FBXO22: variants seen among roughly 807,000 people sequenced by gnomAD.
FBXO22 encodes F-box only protein 22.
Under a neutral mutation model 37.2 loss-of-function variants are expected in FBXO22, and 13 were observed. That is an observed-to-expected ratio of 0.35 (90% confidence interval 0.23 to 0.56). The LOEUF (loss-of-function observed/expected upper bound fraction) is 0.56. FBXO22 is among the 20% of genes least tolerant of loss of function. FBXO22 has a pLI of 0.87. For missense variants in FBXO22, 446 were observed against 509.9 expected (o/e 0.87, Z 1.21); for synonymous variants, 189 against 189.1 (o/e 1.00, Z 0.00).
At chr15:75,904,221 C>A in intron 1 of FBXO22, 118 bp downstream of exon 1, 1 of 1,362,682 alleles carries the variant, frequency 7.3e-7, no homozygotes, top group Non-Finnish European at 9.7e-7. Flanking sequence ...CCGGCTCGCT[C>A]GCCCTACCTG....
At chr15:75,923,785 G>T (rs992248615) in intron 5 of FBXO22, among the ~76,000 whole-genome samples, 1 of 152,096 alleles carries the variant, frequency 6.6e-6, no homozygotes, top group African/African-American at 2.4e-5. Flanking sequence ...AAAAGTATAT[G>T]CAGGAGACAC....
chr15:75,931,159 ATACAG>A (rs143192799), intron 6 of FBXO22, among the ~76,000 whole-genome samples: 3,256 of 152,320 alleles, frequency 0.021, 136 homozygotes, highest in African/African-American at 0.075. Flanking sequence ...GTGATTCAAC[ATACAG>A]TTTACCTTTG....
Position 75,940,034 on chromosome 15 carries a change from C to T in FBXO22, c.*6932C>T, listed in dbSNP as rs1049350298. ...CCTGAGCTAGAAAAAGAAAAGACATCTAAGTTGGAAAGTAAGAAGTAAAAT... is the reference window on the plus strand; with the variant it reads ...CCTGAGCTAGAAAAAGAAAAGACATTTAAGTTGGAAAGTAAGAAGTAAAAT... On this transcript the variant is annotated 3_prime_UTR_variant, in exon 7 of 7. Coordinates refer to ENST00000308275, the MANE Select transcript of FBXO22 (RefSeq NM_147188.3). 7.3e-5 allele frequency: 11 copies of T among 151,414 alleles called. No homozygotes were observed. Among genetic ancestry groups the T allele is most frequent in the African/African-American group, 2.7e-4 (11 of 41,168 alleles). The allele number at this position is 151,414 out of a possible 1,614,324, so 9.4% of individuals were successfully genotyped here. A position where few individuals can be genotyped will look rare whatever the true frequency, so the allele number is the denominator to read the frequency against.
chr15:75,930,075 G>T, intron 6 of FBXO22, 26 bp downstream of exon 6: 1 of 1,613,612 alleles, frequency 6.2e-7, no homozygotes, highest in East Asian at 2.2e-5. Context: ...TTCTGATTTC[G>T]TCTGTGAATG....
At chr15:75,904,416 G>A (rs988857126) in intron 1 of FBXO22, 75 bp from the exon 2 acceptor site, 1 of 1,599,164 alleles carries the variant, frequency 6.3e-7, no homozygotes. Flanking sequence ...TGCGCCAGCG[G>A]GTGGGGGTTT....
At chr15:75,930,095 G>T in intron 6 of FBXO22, 46 bp downstream of exon 6, 1 of 1,611,396 alleles carries the variant, frequency 6.2e-7, no homozygotes. Context: ...GAAGGGAAAT[G>T]GTCTCAGGTT....
intron 5 of FBXO22, among the ~76,000 whole-genome samples, chr15:75,929,322 AT>A (rs397776614): frequency 6.6e-5 from 10 of 150,532 alleles, no homozygotes; most frequent in African/African-American, 9.8e-5. Flanking sequence ...AAAAAAAAAA[AT>A]TTTTTTTAAA....
At chr15:75,911,371 C>T (rs1192656958) in intron 2 of FBXO22, among the ~76,000 whole-genome samples, 4 of 152,096 alleles carry the variant, frequency 2.6e-5, no homozygotes, top group East Asian at 1.9e-4. Flanking sequence ...GGCATTTTCA[C>T]GATATCGATT....
intron 2 of FBXO22, among the ~76,000 whole-genome samples, chr15:75,909,401 A>G (rs1335749828): frequency 6.6e-6 from 1 of 152,176 alleles, no homozygotes; most frequent in Non-Finnish European, 1.5e-5. Flanking sequence ...ATAGTAAGCT[A>G]AGGGGCCCTG....
Position 75,940,082 on chromosome 15 carries a change from G to C in FBXO22, c.*6980G>C, listed in dbSNP as rs1354392670. ...AATCCTATATGTTCACAAATGATAT[G>C]ATCTTTAGACAACCCGAAAGATTCC... On this transcript the variant is annotated 3_prime_UTR_variant, in exon 7 of 7. Transcript: ENST00000308275. 2.0e-5 allele frequency: 3 copies of C among 148,402 alleles called. No homozygotes were observed. Among genetic ancestry groups the C allele is most frequent in the Non-Finnish European group, 4.5e-5 (3 of 67,198 alleles). 9.2% of individuals were successfully genotyped at this position (148,402 alleles called of 1,614,324 possible).
Position 75,937,932 on chromosome 15 carries a change from G to T in FBXO22, c.*4830G>T, listed in dbSNP as rs1017167828. 6.6e-6 allele frequency: 1 copy of T among 152,188 alleles called. No homozygotes were observed. Among genetic ancestry groups the T allele is most frequent in the Non-Finnish European group, 1.5e-5 (1 of 68,048 alleles). 9.4% of individuals were successfully genotyped at this position (152,188 alleles called of 1,614,324 possible). ...AATAGAACAACTAAGGCCCAGAGGA[G>T]AATCTGGGGTAAGACTTTGGGAAAT... On this transcript the variant is annotated 3_prime_UTR_variant, in exon 7 of 7. Coordinates refer to ENST00000308275, the MANE Select transcript of FBXO22 (RefSeq NM_147188.3).
At chr15:75,918,957 C>CT (rs1210513276) in intron 5 of FBXO22, among the ~76,000 whole-genome samples, 2 of 151,866 alleles carry the variant, frequency 1.3e-5, no homozygotes, top group East Asian at 1.9e-4. Context: ...ACCATATATT[C>CT]TTTTTTTTGT....
In FBXO22 at chr15:75,933,251, GTAT is replaced by G. The variant is rs2030130374; in HGVS notation, c.*151_*153del. 1 of 666,516 alleles carries G rather than the reference GTAT, an allele frequency of 1.5e-6. No homozygotes were observed. Among genetic ancestry groups the G allele is most frequent in the East Asian group, 2.8e-5 (1 of 35,720 alleles). The allele number at this position is 666,516 out of a possible 1,614,324, so 41.3% of individuals were successfully genotyped here. Reference sequence around the variant, plus strand: ...GATGCTCTAAGATCACATGAGGGTAGTATTTAATATATTAGATGAAGGACAACT... The same window carrying G: ...GATGCTCTAAGATCACATGAGGGTAGTTAATATATTAGATGAAGGACAACT... On this transcript the variant is annotated 3_prime_UTR_variant, in exon 7 of 7. Coordinates refer to ENST00000308275, the MANE Select transcript of FBXO22 (RefSeq NM_147188.3).
intron 2 of FBXO22, among the ~76,000 whole-genome samples, chr15:75,906,497 G>A (rs988093622): frequency 8.6e-5 from 13 of 152,042 alleles, no homozygotes; most frequent in African/African-American, 4.8e-5. Context: ...CGAATCAAAC[G>A]CAGGATGCTT....
Position 75,938,166 on chromosome 15 carries a change from C to G in FBXO22, c.*5064C>G, listed in dbSNP as rs1396700672. On this transcript the variant is annotated 3_prime_UTR_variant, in exon 7 of 7. Transcript: ENST00000308275. The stretch of plus-strand genomic sequence containing the variant: ...TCCTAGCATTCAAGGGAATTTATGT[C>G]AAAATAGCTGAACGTGACATAAAAG... 3 of 152,050 alleles carry G rather than the reference C, an allele frequency of 2.0e-5. No individual in the cohort carries two copies. Among genetic ancestry groups the G allele is most frequent in the African/African-American group, 7.2e-5 (3 of 41,380 alleles). The allele number at this position is 152,050 out of a possible 1,614,324, so 9.4% of individuals were successfully genotyped here. A position where few individuals can be genotyped will look rare whatever the true frequency, so the allele number is the denominator to read the frequency against.
At chr15:75,925,617 G>C (rs1239115794) in intron 5 of FBXO22, among the ~76,000 whole-genome samples, 1 of 147,812 alleles carries the variant, frequency 6.8e-6, no homozygotes, top group Non-Finnish European at 1.5e-5. Context: ...GATTGAACTT[G>C]TTCTGCCTTC....
Position 75,917,365 on chromosome 15 carries a change from C to T in FBXO22, c.599C>T (p.Thr200Ile). ...TTTATTAAGGATCCAAAGAATTTAA[C>T]ATTAGAAAGACATCAACTCACTGAA... ...FHFIKDPKNLTLERHQLTEVG... is the reference protein window; with the variant it reads ...FHFIKDPKNLILERHQLTEVG... Residue 200 changes from threonine to isoleucine, a missense_variant, in exon 5 of 7, where the codon ACA becomes ATA. Thr to Ile is a moderately conservative substitution (Grantham distance 89). This residue lies in a region of FBXO22 where 315 missense variants were observed against 410.1 expected (regional missense o/e 0.77). Transcript: ENST00000308275. 1 of 1,598,950 alleles carries T rather than the reference C, an allele frequency of 6.3e-7. No individual in the cohort carries two copies. Among genetic ancestry groups the T allele is most frequent in the South Asian group, 1.1e-5 (1 of 90,224 alleles).
In FBXO22 at chr15:75,914,090, T is replaced by C; in HGVS notation, c.368-20T>C. ...CTTTAAATGGATGATATTTATCATT[T>C]TGCTACTGTATTTTTACAGCAAGGA... is the stretch of plus-strand genomic sequence containing the variant. On this transcript the variant is annotated intron_variant, in intron 3 of 6. Transcript: ENST00000308275. The C allele has an allele frequency of 6.5e-7, 1 of 1,549,096 alleles. No individual in the cohort carries two copies. The highest frequency in any genetic ancestry group is 8.8e-7 in the Non-Finnish European group (1 of 1,129,990).
intron 2 of FBXO22, among the ~76,000 whole-genome samples, chr15:75,906,423 A>T (rs978704091): frequency 6.6e-6 from 1 of 152,174 alleles, no homozygotes; most frequent in Admixed American, 6.5e-5. Flanking sequence ...ACATATACAC[A>T]CATTTACAAT....
Sources: gnomAD v4.1 joint callset for allele counts (sites outside exome capture counted in the v4.1 genomes callset) on GRCh38, gnomAD v4.1.1 for gene constraint, gnomAD v4.1.1 regional missense constraint, MANE v1.5 for transcripts, NCBI Gene and HGNC (gene_info 2026-07-23, HGNC 2026-07-21) for gene names.